Variants in ATP8A2 observed in about 807,000 individuals in gnomAD.
The protein encoded by ATP8A2 is phospholipid-transporting ATPase IB.
A neutral mutation model predicts 165.6 loss-of-function variants in ATP8A2; 100 were observed. The ratio of observed to expected loss-of-function variants is 0.60; its 90% CI spans 0.51 to 0.71. The LOEUF (loss-of-function observed/expected upper bound fraction) is 0.71, where lower values mean the gene tolerates loss of function less well. Ranked by LOEUF, ATP8A2 falls within the 30% of genes least tolerant of loss-of-function variation. The probability of loss-of-function intolerance (pLI) is 0.00; values close to 1 mark genes in which losing one functional copy is unlikely to be tolerated. For missense variants in ATP8A2, 1,227 were observed against 1,479.5 expected, an observed-to-expected ratio of 0.83 and a Z score of 2.80; for synonymous variants, 543 against 548.8, an observed-to-expected ratio of 0.99 and a Z score of 0.15.
chr13:25,531,935 C>G (rs889289066), intron 4 of ATP8A2, among the ~76,000 whole-genome samples: 3 of 152,154 alleles, frequency 2.0e-5, no homozygotes, highest in African/African-American at 7.2e-5. Context: ...CTGTACACAT[C>G]GAAGCAAAGT....
intron 33 of ATP8A2, among the ~76,000 whole-genome samples, chr13:25,949,858 G>A (rs532381438): frequency 3.9e-4 from 59 of 152,228 alleles, no homozygotes; most frequent in African/African-American, 1.4e-3. Context: ...GGAGTGCAGT[G>A]GCAAGATCAT....
chr13:25,441,555 C>A (rs2034932254), intron 1 of ATP8A2, among the ~76,000 whole-genome samples: 1 of 152,172 alleles, frequency 6.6e-6, no homozygotes, highest in African/African-American at 2.4e-5. Flanking sequence ...ATCAACCTAC[C>A]TATAACTTAA....
chr13:25,849,219 G>A (rs1033221800), intron 30 of ATP8A2, among the ~76,000 whole-genome samples: 1 of 152,228 alleles, frequency 6.6e-6, no homozygotes, highest in Non-Finnish European at 1.5e-5. Context: ...CCCTGCATGA[G>A]TGTGATGCCT....
chr13:25,528,887 A>G (rs4529980), intron 2 of ATP8A2, among the ~76,000 whole-genome samples: 7,815 of 147,894 alleles, frequency 0.053, 370 homozygotes, highest in South Asian at 0.12. Context: ...CAACATGTGT[A>G]TGCATACATA....
chr13:25,838,826 A>G (rs1951688369), intron 29 of ATP8A2, among the ~76,000 whole-genome samples: 1 of 152,208 alleles, frequency 6.6e-6, no homozygotes, highest in Admixed American at 6.5e-5. Context: ...CAGCGTGAGC[A>G]ACGCAGAAGA....
intron 25 of ATP8A2, among the ~76,000 whole-genome samples, chr13:25,731,746 G>A (rs976404608): frequency 1.1e-4 from 16 of 152,186 alleles, no homozygotes; most frequent in African/African-American, 2.2e-4. Flanking sequence ...ACTAACACTC[G>A]CAGAAATGAA....
In ATP8A2 at chr13:25,893,513, G is replaced by A. The variant is rs1199724792; in HGVS notation, c.3183+31105G>A. Among the ~76,000 whole-genome samples the A allele has an allele frequency of 6.9e-4, 104 of 151,706 alleles. No homozygotes were observed. The East Asian group carries it at 0.014, about 20-fold the overall frequency. The stretch of plus-strand genomic sequence containing the variant: ...GTGAATAGTGCCACAATAAACATAC[G>A]TGTGCATGTGTCTTTATAGCAGCAT... On this transcript the variant is annotated intron_variant, in intron 33 of 36. Transcript: ENST00000381655.
At chr13:25,462,149 G>A (rs2035521436) in intron 1 of ATP8A2, among the ~76,000 whole-genome samples, 1 of 152,208 alleles carries the variant, frequency 6.6e-6, no homozygotes, top group South Asian at 2.1e-4. Flanking sequence ...GTGACTGATA[G>A]TAAGGTTTCC....
intron 27 of ATP8A2, among the ~76,000 whole-genome samples, chr13:25,819,845 G>A (rs1951126818): frequency 6.6e-6 from 1 of 152,128 alleles, no homozygotes. Flanking sequence ...AAAAAAACCT[G>A]AAGCATTTTG....
At chr13:25,435,914 T>TGTGTGTGTGTGAGTGA (rs1566131214) in intron 1 of ATP8A2, among the ~76,000 whole-genome samples, 2 of 25,650 alleles carry the variant, frequency 7.8e-5, no homozygotes, top group Admixed American at 1.0e-3. Flanking sequence ...AAAAGCATCG[T>TGTGTGTGTGTGAGTGA]GTGTGTGTGT....
intron 33 of ATP8A2, among the ~76,000 whole-genome samples, chr13:25,886,009 A>G (rs1295594778): frequency 6.6e-6 from 1 of 152,180 alleles, no homozygotes; most frequent in Non-Finnish European, 1.5e-5. Flanking sequence ...GAATGTGGGA[A>G]AATAACTGAG....
At chr13:25,999,634 G>A (rs939400175) in intron 35 of ATP8A2, among the ~76,000 whole-genome samples, 3 of 152,126 alleles carry the variant, frequency 2.0e-5, no homozygotes, top group Admixed American at 2.0e-4. Context: ...TCTGCACGGC[G>A]AGGTCACCTT....
chr13:25,439,684 G>A (rs1042652153), intron 1 of ATP8A2, among the ~76,000 whole-genome samples: 2 of 152,200 alleles, frequency 1.3e-5, no homozygotes, highest in Admixed American at 6.5e-5. Context: ...GCCAAGGGCA[G>A]GAGGATCACT....
rs963632325 is a variant in ATP8A2 at position 26,023,628 on chromosome 13, T to G, written c.*3643T>G. 5 of 152,252 alleles carry G rather than the reference T, an allele frequency of 3.3e-5. No homozygotes were observed. The highest frequency in any genetic ancestry group is 7.2e-5 in the African/African-American group (3 of 41,468). 9.4% of individuals were successfully genotyped at this position (152,252 alleles called of 1,614,324 possible). A position where few individuals can be genotyped will look rare whatever the true frequency, so the allele number is the denominator to read the frequency against. ...ATAATAATGACCTTTAATCTTGTCA[T>G]TTGGAACCATAAAGCATTTTTATCA... On this transcript the variant is annotated 3_prime_UTR_variant, in exon 37 of 37. Coordinates refer to ENST00000381655, the MANE Select transcript of ATP8A2 (RefSeq NM_016529.6).
chr13:25,501,022 C>T (rs2036838987), intron 2 of ATP8A2, among the ~76,000 whole-genome samples: 2 of 152,022 alleles, frequency 1.3e-5, no homozygotes, highest in Admixed American at 1.3e-4. Context: ...CTTCTTCAAC[C>T]CATGTTTGTA....
chr13:25,965,884 G>A (rs1955765389), intron 34 of ATP8A2, among the ~76,000 whole-genome samples: 1 of 151,994 alleles, frequency 6.6e-6, no homozygotes, highest in African/African-American at 2.4e-5. Context: ...TACACAAATG[G>A]GCCTTGATTT....
rs971173562 is a variant in ATP8A2 at position 26,021,567 on chromosome 13, T to A, written c.*1582T>A. 1 of 152,198 alleles carries A rather than the reference T, an allele frequency of 6.6e-6. No individual in the cohort carries two copies. The highest frequency in any genetic ancestry group is 2.1e-4 in the South Asian group (1 of 4,828). The allele number at this position is 152,198 out of a possible 1,614,324, so 9.4% of individuals were successfully genotyped here. A position where few individuals can be genotyped will look rare whatever the true frequency, so the allele number is the denominator to read the frequency against. ...CACTTAAATCTCAACAGAACCTAGATGTCTTCAGGCATGAATGTGAGCACC... is the reference window on the plus strand; with the variant it reads ...CACTTAAATCTCAACAGAACCTAGAAGTCTTCAGGCATGAATGTGAGCACC... On this transcript the variant is annotated 3_prime_UTR_variant, in exon 37 of 37. Transcript: ENST00000381655.
intron 11 of ATP8A2, among the ~76,000 whole-genome samples, chr13:25,552,072 C>T (rs2038841032): frequency 2.0e-5 from 3 of 151,266 alleles, no homozygotes; most frequent in Admixed American, 2.0e-4. Flanking sequence ...CTGCACCCTC[C>T]ACCTCCTGGG....
chr13:25,878,087 T>C (rs1431468587), intron 33 of ATP8A2, among the ~76,000 whole-genome samples: 1 of 152,102 alleles, frequency 6.6e-6, no homozygotes, highest in Non-Finnish European at 1.5e-5. Flanking sequence ...TTACGCCCTT[T>C]AGATGAGAAA....
Sources: allele counts gnomAD v4.1 joint callset (sites outside exome capture counted in the v4.1 genomes callset), GRCh38; gene constraint gnomAD v4.1.1; transcripts MANE v1.5; gene names NCBI Gene and HGNC (gene_info 2026-07-23, HGNC 2026-07-21).